SGCZ: variants seen among roughly 807,000 people sequenced by gnomAD.
SGCZ encodes sarcoglycan zeta, also known as zeta-sarcoglycan.
A neutral mutation model predicts 41.3 loss-of-function variants in SGCZ; 40 were observed. That is an observed-to-expected ratio of 0.97 (90% CI 0.75 to 1.26). The LOEUF is 1.26. SGCZ is among the 50% of genes most tolerant of loss of function. SGCZ has a pLI of 0.00. For missense variants in SGCZ, 552 were observed against 369.8 expected, an observed-to-expected ratio of 1.49 and a Z score of -4.04; for synonymous variants, 206 against 137.5, an observed-to-expected ratio of 1.50 and a Z score of -3.49.
At chr8:15,132,579 G>A (rs1807951682) in intron 1 of SGCZ, among the ~76,000 whole-genome samples, 1 of 152,110 alleles carries the variant, frequency 6.6e-6, no homozygotes, top group Admixed American at 6.6e-5. Flanking sequence ...GGAGTACTGT[G>A]GGTTTCTTGA....
chr8:15,049,345 G>T (rs570774910), intron 1 of SGCZ, among the ~76,000 whole-genome samples: 4 of 152,226 alleles, frequency 2.6e-5, no homozygotes, highest in African/African-American at 9.6e-5. Flanking sequence ...AAGATTGCTA[G>T]CATGGCTAGA....
chr8:14,873,117 A>T (rs1157406366), intron 1 of SGCZ, among the ~76,000 whole-genome samples: 3 of 152,144 alleles, frequency 2.0e-5, no homozygotes, highest in African/African-American at 4.8e-5. Flanking sequence ...TTAATAATGG[A>T]GTGAAGTGTA....
intron 3 of SGCZ, among the ~76,000 whole-genome samples, chr8:14,290,856 A>G (rs539142338): frequency 3.0e-4 from 46 of 152,292 alleles, no homozygotes; most frequent in African/African-American, 9.9e-4. Context: ...TTCAAAGGAA[A>G]AGAAATCAGT....
intron 3 of SGCZ, among the ~76,000 whole-genome samples, chr8:14,302,860 A>G (rs1801241860): frequency 1.3e-5 from 2 of 152,342 alleles, no homozygotes; most frequent in South Asian, 4.1e-4. Context: ...TAAATGCTCA[A>G]AAGAGGGCTC....
intron 2 of SGCZ, among the ~76,000 whole-genome samples, chr8:14,348,583 G>T (rs2117098190): frequency 6.6e-6 from 1 of 152,140 alleles, no homozygotes; most frequent in South Asian, 2.1e-4. Flanking sequence ...CCGAATGCTG[G>T]CATACAACTG....
intron 1 of SGCZ, among the ~76,000 whole-genome samples, chr8:14,941,350 C>T (rs892306111): frequency 1.3e-5 from 2 of 152,066 alleles, no homozygotes; most frequent in Non-Finnish European, 2.9e-5. Flanking sequence ...AATGCAGTGT[C>T]AATGTTTACC....
chr8:15,222,062 C>G (rs927337008), intron 1 of SGCZ, among the ~76,000 whole-genome samples: 2 of 152,118 alleles, frequency 1.3e-5, no homozygotes, highest in African/African-American at 4.8e-5. Context: ...AATTACGTAA[C>G]ATTTTCAAAA....
At chr8:14,541,046 C>T (rs1486915821) in intron 2 of SGCZ, among the ~76,000 whole-genome samples, 1 of 150,686 alleles carries the variant, frequency 6.6e-6, no homozygotes, top group African/African-American at 2.4e-5. Context: ...ATATATAATA[C>T]ATAAGAACAT....
chr8:14,097,721 CTAGGTCTCTTTG>C (rs1176779787), intron 7 of SGCZ, among the ~76,000 whole-genome samples: 4 of 152,106 alleles, frequency 2.6e-5, no homozygotes, highest in Non-Finnish European at 4.4e-5. Context: ...GTGTGGGAGT[CTAGGTCTCTTTG>C]TAGGTCTCTA....
At chr8:14,547,395 AAACTGTTCCTCTTAGAAGTTTATGT>A (rs1157271632) in intron 2 of SGCZ, among the ~76,000 whole-genome samples, 1 of 152,190 alleles carries the variant, frequency 6.6e-6, no homozygotes, top group African/African-American at 2.4e-5. Context: ...GTTGACAGCT[AAACTGTTCCTCTTAGAAGTTTATGT>A]AAACGCTTTT....
intron 1 of SGCZ, among the ~76,000 whole-genome samples, chr8:14,991,922 G>C (rs1353773185): frequency 2.0e-4 from 29 of 146,244 alleles, no homozygotes; most frequent in Non-Finnish European, 7.5e-5. Context: ...CCCAAAACCA[G>C]TGTTACCCTT....
chr8:14,894,393 A>G (rs529770368), intron 1 of SGCZ, among the ~76,000 whole-genome samples: 5 of 152,312 alleles, frequency 3.3e-5, no homozygotes, highest in East Asian at 1.9e-4. Flanking sequence ...TTGAATGTCA[A>G]TGGTGCAAAG....
chr8:14,107,685 C>G (rs1403317665), intron 6 of SGCZ, among the ~76,000 whole-genome samples: 1 of 152,084 alleles, frequency 6.6e-6, no homozygotes, highest in Non-Finnish European at 1.5e-5. Flanking sequence ...GTTGCCCAGG[C>G]TGGAGCACAG....
intron 1 of SGCZ, among the ~76,000 whole-genome samples, chr8:15,226,507 C>A (rs1801777986): frequency 6.6e-6 from 1 of 152,174 alleles, no homozygotes; most frequent in Non-Finnish European, 1.5e-5. Context: ...AGTTTAACTT[C>A]CAGGAGCCAT....
chr8:14,938,857 T>TC (rs1800171809), intron 1 of SGCZ, among the ~76,000 whole-genome samples: 1 of 151,980 alleles, frequency 6.6e-6, no homozygotes, highest in Admixed American at 6.6e-5. Flanking sequence ...AGATGCAACC[T>TC]CCCATTTTTT....
chr8:14,823,070 A>G (rs1272569027), intron 1 of SGCZ, among the ~76,000 whole-genome samples: 3 of 151,378 alleles, frequency 2.0e-5, no homozygotes, highest in African/African-American at 7.3e-5. Context: ...AAAAAAAAAA[A>G]AAAAAAAGAC....
chr8:14,799,109 T>C (rs1325874249), intron 1 of SGCZ, among the ~76,000 whole-genome samples: 1 of 151,964 alleles, frequency 6.6e-6, no homozygotes, highest in Non-Finnish European at 1.5e-5. Context: ...AACTGTACTT[T>C]CAGAAATTAA....
intron 2 of SGCZ, among the ~76,000 whole-genome samples, chr8:14,458,509 A>T (rs2116945146): frequency 6.6e-6 from 1 of 152,352 alleles, no homozygotes; most frequent in South Asian, 2.1e-4. Flanking sequence ...GTGAGGAAAG[A>T]AATTTTAAAA....
chr8:14,704,164 C>G (rs550393076), intron 1 of SGCZ, among the ~76,000 whole-genome samples: 2 of 152,076 alleles, frequency 1.3e-5, no homozygotes, highest in South Asian at 4.1e-4. Flanking sequence ...GTAACTAGTT[C>G]ATGGTCGTAC....
Sources: gnomAD v4.1 joint callset for allele counts (sites outside exome capture counted in the v4.1 genomes callset) on GRCh38, gnomAD v4.1.1 for gene constraint, MANE v1.5 for transcripts, NCBI Gene and HGNC (gene_info 2026-07-23, HGNC 2026-07-21) for gene names.